The following LYST variants were observed in gnomAD, a reference collection of about 807,000 sequenced individuals.
LYST encodes lysosomal trafficking regulator.
LYST carries 192 observed loss-of-function variants against 413.6 expected under a neutral mutation model. The observed-to-expected ratio is 0.46, with a 90% CI of 0.41 to 0.52. LYST has a LOEUF of 0.52. Ranked by LOEUF, LYST falls within the 20% of genes least tolerant of loss-of-function variation. The probability of loss-of-function intolerance (pLI) is 0.00; values close to 1 mark genes in which losing one functional copy is unlikely to be tolerated. For synonymous variants in LYST, 1,525 were observed against 1,567.3 expected (o/e 0.97, Z 0.64); for missense variants, 3,815 against 4,499.9 (o/e 0.85, Z 4.35).
At chr1:235,738,262 A>C in intron 31 of LYST, 3 of 1,611,138 alleles carry the variant, frequency 1.9e-6, no homozygotes, top group Non-Finnish European at 2.5e-6. Context: ...GTAACTGTAA[A>C]CTCCAAGCTG....
At chr1:235,868,856 C>T (rs757005691), upstream of LYST, among the ~76,000 whole-genome samples, 1 of 151,970 alleles carries the variant, frequency 6.6e-6, no homozygotes, top group Non-Finnish European at 1.5e-5. Context: ...CTACCATGCC[C>T]GGCTAATTTT....
intron 42 of LYST, among the ~76,000 whole-genome samples, chr1:235,713,791 A>G (rs1397191673): frequency 3.3e-5 from 5 of 152,236 alleles, no homozygotes; most frequent in Non-Finnish European, 7.3e-5. Flanking sequence ...TTCAAAAGCC[A>G]ACAGATATCA....
At chr1:235,754,930 C>T (rs1443264313) in intron 25 of LYST, among the ~76,000 whole-genome samples, 2 of 150,886 alleles carry the variant, frequency 1.3e-5, no homozygotes, top group Admixed American at 6.6e-5. Flanking sequence ...AAAAATTAGC[C>T]AAGTGTGGTG....
intron 48 of LYST, among the ~76,000 whole-genome samples, chr1:235,680,893 C>T (rs1659762966): frequency 6.6e-6 from 1 of 152,234 alleles, no homozygotes; most frequent in South Asian, 2.1e-4. Flanking sequence ...GCCACCGCGC[C>T]TGGCCTACAA....
At position 235,770,250 on chromosome 1, in the gene LYST, T is replaced by A. The variant is rs1558217931; in HGVS notation, c.5832A>T (p.Arg1944Ser). Residue 1944 changes from arginine (R) to serine (S), a missense_variant, in exon 20 of 53, where the codon AGA becomes AGT. Physicochemically the swap from Arg to Ser is moderately radical, Grantham distance 110 (BLOSUM62 -1). Transcript: ENST00000389793. ...TLLAALEVLIRADHHQQMFNI... is the reference protein window; with the variant it reads ...TLLAALEVLISADHHQQMFNI... ...TAAACATCTGCTGGTGGTGATCTGC[T>A]CTGATGAGGACTTCTAGAGCTGCTA... The A allele has an allele frequency of 6.2e-7, 1 of 1,613,832 alleles. No homozygotes were observed. Among genetic ancestry groups the A allele is most frequent in the Non-Finnish European group, 8.5e-7 (1 of 1,179,788 alleles).
chr1:235,770,053 A>G lies in LYST; in HGVS notation c.5922+107T>C. 5 of 1,055,554 alleles carry G rather than the reference A, an allele frequency of 4.7e-6. No homozygotes were observed. The South Asian group carries it at 5.6e-5, about 12-fold the overall frequency. 65.4% of individuals were successfully genotyped at this position (1,055,554 alleles called of 1,614,324 possible). On this transcript the variant is annotated intron_variant, in intron 20 of 52. Coordinates refer to ENST00000389793, the MANE Select transcript of LYST (RefSeq NM_000081.4). ...GAGAATCTGGAGAGAAGATGGAAAA[A>G]AAAAAGAAAAAAAGTCCCATTGAAA... is the stretch of plus-strand genomic sequence containing the variant.
chr1:235,711,948 G>C (rs1662434506), intron 43 of LYST, 109 bp downstream of exon 43: 4 of 707,622 alleles, frequency 5.7e-6, no homozygotes, highest in Admixed American at 6.1e-5. Flanking sequence ...TCTCTTATTT[G>C]GGGACTCAAA....
chr1:235,720,826 G>A lies in LYST; in HGVS notation c.9395C>T (p.Thr3132Ile). 6.2e-7 allele frequency: 1 copy of A among 1,613,896 alleles called. No homozygotes were observed. Among genetic ancestry groups the A allele is most frequent in the Non-Finnish European group, 8.5e-7 (1 of 1,179,830 alleles). Residue 3132 changes from threonine to isoleucine, a missense_variant, in exon 40 of 53, where the codon ACA (threonine) becomes ATA (isoleucine). Around this residue, in one of 4 missense-constraint regions of LYST, gnomAD observed 866 missense variants for 1,156.0 expected, o/e 0.75. Coordinates refer to ENST00000389793, the MANE Select transcript of LYST (RefSeq NM_000081.4). ...AATTTGCCCAGTATACCATAAATTT[G>A]TCAGAGCGGTGATGTTACCATATTC... ...LLEYGNITAL[T>I]NLWYTGQITN...
intron 1 of LYST, among the ~76,000 whole-genome samples, chr1:235,876,998 G>A (rs966526917): frequency 2.6e-5 from 4 of 152,238 alleles, no homozygotes; most frequent in Non-Finnish European, 4.4e-5. Flanking sequence ...ACAGGTGACT[G>A]TAAGCACAGC....
intron 45 of LYST, among the ~76,000 whole-genome samples, chr1:235,702,101 C>A (rs929942423): frequency 1.7e-4 from 26 of 152,152 alleles, no homozygotes; most frequent in Admixed American, 1.7e-3. Context: ...TTCTGCAAAC[C>A]CTTACAGTGC....
intron 48 of LYST, among the ~76,000 whole-genome samples, chr1:235,679,313 A>C (rs1208578374): frequency 6.6e-6 from 1 of 152,098 alleles, no homozygotes; most frequent in Non-Finnish European, 1.5e-5. Context: ...AACCCATTTC[A>C]GATCATGCTT....
At chr1:235,757,023 A>G (rs1168278821) in intron 24 of LYST, among the ~76,000 whole-genome samples, 1 of 152,146 alleles carries the variant, frequency 6.6e-6, no homozygotes, top group African/African-American at 2.4e-5. Flanking sequence ...ATTGATATGA[A>G]CCAACATATG....
In LYST at chr1:235,805,883, G is replaced by C; in HGVS notation, c.3253C>G (p.Pro1085Ala). ...VEEVSATEAA[P>A]EEAKLFTSQE... ...CTTGTAAATAGCTTTGCTTCCTCGGGAGCGGCTTCAGTAGCTGAAACTTCT... is the reference window on the plus strand; with the variant it reads ...CTTGTAAATAGCTTTGCTTCCTCGGCAGCGGCTTCAGTAGCTGAAACTTCT... The change falls in exon 6 of 53, where the codon CCC (proline) becomes GCC (alanine). Residue 1085 changes from proline to alanine, a missense_variant. By Grantham distance (27) the Pro-to-Ala change is conservative. Coordinates refer to ENST00000389793, the MANE Select transcript of LYST (RefSeq NM_000081.4). The C allele has an allele frequency of 1.2e-6, 2 of 1,613,782 alleles. No homozygotes were observed. The highest frequency in any genetic ancestry group is 1.7e-6 in the Non-Finnish European group (2 of 1,179,904).
chr1:235,695,993 T>C (rs1275995545), intron 46 of LYST, among the ~76,000 whole-genome samples: 1 of 152,176 alleles, frequency 6.6e-6, no homozygotes, highest in Admixed American at 6.5e-5. Context: ...TTTGGTATTA[T>C]TAGTAAATTA....
chr1:235,772,392 A>G (rs1668796082), intron 19 of LYST, among the ~76,000 whole-genome samples: 1 of 152,156 alleles, frequency 6.6e-6, no homozygotes, highest in South Asian at 2.1e-4. Flanking sequence ...GTTATATTCT[A>G]ATTAGTTCTA....
intron 45 of LYST, among the ~76,000 whole-genome samples, chr1:235,698,592 C>A (rs6429243): frequency 0.54 from 82,140 of 151,888 alleles, 22,454 homozygotes; most frequent in East Asian, 0.77. Context: ...TTGAGAAAGG[C>A]CGGGCGCGGT....
chr1:235,879,189 A>G (rs976455518), intron 1 of LYST, among the ~76,000 whole-genome samples: 1 of 152,208 alleles, frequency 6.6e-6, no homozygotes, highest in South Asian at 2.1e-4. Flanking sequence ...CACATTGAAG[A>G]CAACTATGAG....
chr1:235,781,072 T>C lies in LYST; in HGVS notation c.5024-17A>G. 1 of 1,551,664 alleles carries C rather than the reference T, an allele frequency of 6.4e-7. No homozygotes were observed. Among genetic ancestry groups the C allele is most frequent in the South Asian group, 1.1e-5 (1 of 89,092 alleles). ...CCTTAGCTCCTGAATAGCAGAAAAATAAAGTTAGTTATTTAAAACACCCTA... is the reference window on the plus strand; with the variant it reads ...CCTTAGCTCCTGAATAGCAGAAAAACAAAGTTAGTTATTTAAAACACCCTA... On this transcript the variant is annotated splice_polypyrimidine_tract_variant and intron_variant, in intron 15 of 52. Transcript: ENST00000389793.
chr1:235,726,947 T>C lies in LYST; in HGVS notation c.9162+1129A>G, dbSNP rs188350143. On this transcript the variant is annotated intron_variant, in intron 38 of 52. Transcript: ENST00000389793. ...ATTCCTTGGCTGATAAAAGGATCCA[T>C]CTTGAAAAATAACATAACTATATTT... Among the ~76,000 whole-genome samples the C allele has an allele frequency of 1.7e-4, 26 of 152,302 alleles. No individual in the cohort carries two copies. The East Asian group carries it at 4.8e-3, about 28-fold the overall frequency.
Sources: allele counts gnomAD v4.1 joint callset (sites outside exome capture counted in the v4.1 genomes callset), GRCh38; gene constraint gnomAD v4.1.1; regional missense constraint gnomAD v4.1.1; transcripts MANE v1.5; gene names NCBI Gene and HGNC (gene_info 2026-07-23, HGNC 2026-07-21).